Variants in DNAH1 observed in about 807,000 individuals in gnomAD.
The protein encoded by DNAH1 is dynein axonemal heavy chain 1.
In DNAH1, 327 loss-of-function variants were observed where a neutral mutation model predicts 484.3. The ratio of observed to expected loss-of-function variants is 0.68; its 90% CI spans 0.62 to 0.74. DNAH1 has a LOEUF of 0.74. Ranked by LOEUF, DNAH1 falls within the 30% of genes least tolerant of loss-of-function variation. DNAH1 has a pLI of 0.00. For missense variants in DNAH1, 5,052 were observed against 5,546.8 expected (o/e 0.91, Z 2.83); for synonymous variants, 2,192 against 2,191.9 (o/e 1.00, Z 0.00).
intron 12 of DNAH1, 102 bp downstream of exon 12, chr3:52,348,076 T>A: frequency 8.0e-7 from 1 of 1,251,656 alleles, no homozygotes; most frequent in Non-Finnish European, 1.1e-6. Context: ...ATCACAGGCC[T>A]CCTGTCGGGC....
chr3:52,331,009 GC>G, intron 6 of DNAH1, 138 bp from the exon 7 acceptor site: 18 of 1,093,334 alleles, frequency 1.6e-5, no homozygotes, highest in Non-Finnish European at 2.3e-5. Flanking sequence ...CTCTGCTGGA[GC>G]AGAGGGGGGC....
intron 8 of DNAH1, among the ~76,000 whole-genome samples, chr3:52,335,729 G>A (rs1350799229): frequency 5.9e-5 from 9 of 151,580 alleles, no homozygotes; most frequent in Admixed American, 3.3e-4. Context: ...CTGTCTCCTG[G>A]GTTCAAGTGA....
intron 21 of DNAH1, 74 bp from the exon 22 acceptor site, chr3:52,356,540 C>CTGGG: frequency 6.7e-7 from 1 of 1,503,608 alleles, no homozygotes; most frequent in Non-Finnish European, 9.1e-7. Flanking sequence ...TGAAATGTCC[C>CTGGG]AGTCATTGGG....
intron 8 of DNAH1, 82 bp downstream of exon 8, chr3:52,332,476 G>C: frequency 6.4e-7 from 1 of 1,553,160 alleles, no homozygotes; most frequent in South Asian, 1.2e-5. Flanking sequence ...GCTACTCCAG[G>C]GTGGAGCTCC....
rs750433835 is a variant in DNAH1 at position 52,357,860 on chromosome 3, C to T, written c.3981-38C>T. ...CTGGGGCAGCTGGGGCCCAGGGAGC[C>T]TGCACGACCCGCTTCCTCACCCCTG... On this transcript the variant is annotated intron_variant, in intron 23 of 77. Transcript: ENST00000420323. 9 of 1,598,838 alleles carry T rather than the reference C, an allele frequency of 5.6e-6. No homozygotes were observed. The African/African-American group carries it at 1.2e-4, about 21-fold the overall frequency.
intron 8 of DNAH1, among the ~76,000 whole-genome samples, chr3:52,334,350 G>A (rs959254789): frequency 7.2e-5 from 11 of 152,366 alleles, no homozygotes; most frequent in African/African-American, 2.4e-4. Flanking sequence ...GGAAGTTGCG[G>A]TGGTTGAGTC....
chr3:52,319,697 G>A (rs114894556), intron 1 of DNAH1, among the ~76,000 whole-genome samples: 174 of 152,316 alleles, frequency 1.1e-3, no homozygotes, highest in African/African-American at 3.8e-3. Flanking sequence ...ATGAGGCCGC[G>A]GCAGGAGGCA....
At chr3:52,312,828 A>G (rs1700835051), upstream of DNAH1, among the ~76,000 whole-genome samples, 1 of 151,568 alleles carries the variant, frequency 6.6e-6, no homozygotes, top group Non-Finnish European at 1.5e-5. Context: ...AATTTTTTGT[A>G]TTTTTAGTAG....
Position 52,348,945 on chromosome 3 carries a change from C to T in DNAH1, c.2164C>T (p.His722Tyr), listed in dbSNP as rs763009975. Residue 722 changes from histidine (H) to tyrosine (Y), a missense_variant, in exon 13 of 78, where the codon CAT (histidine) becomes TAT (tyrosine). His to Tyr is a moderately conservative substitution (Grantham distance 83, BLOSUM62 2). Around this residue, in one of 4 missense-constraint regions of DNAH1, gnomAD observed 1,263 missense variants for 1,218.8 expected, o/e 1.04. Transcript: ENST00000420323. Reference sequence around the variant, plus strand: ...CCCCCTGCTGGAGTCCGTGGGCCTTCATGAGCCACTGGTGGAAGAGCTACG... The same window carrying T: ...CCCCCTGCTGGAGTCCGTGGGCCTTTATGAGCCACTGGTGGAAGAGCTACG... ...GDPLLESVGL[H>Y]EPLVEELRAT... 6.2e-7 allele frequency: 1 copy of T among 1,613,514 alleles called. No homozygotes were observed. The highest frequency in any genetic ancestry group is 1.7e-5 in the Admixed American group (1 of 60,020).
chr3:52,363,246 C>G (rs1451822329), intron 32 of DNAH1, 102 bp downstream of exon 32: 1 of 1,455,600 alleles, frequency 6.9e-7, no homozygotes, highest in Non-Finnish European at 9.3e-7. Context: ...CGGTGCTTTA[C>G]AGGCATTACC....
Position 52,344,486 on chromosome 3 carries a change from G to T in DNAH1, c.1287-4G>T, listed in dbSNP as rs374363260. On this transcript the variant is annotated splice_polypyrimidine_tract_variant and splice_region_variant and intron_variant, in intron 8 of 77. Transcript: ENST00000420323. ...ATTCCCCCATCTCCCATCTCTATGGGCAGGGTTCTAGAGCACCTCAGCAGT... is the reference window on the plus strand; with the variant it reads ...ATTCCCCCATCTCCCATCTCTATGGTCAGGGTTCTAGAGCACCTCAGCAGT... The T allele has an allele frequency of 5.0e-5, 80 of 1,612,532 alleles. 1 individual carries two copies. In the Admixed American group the frequency reaches 1.3e-3, roughly 26 times the overall value.
chr3:52,380,788 G>A (rs1703811423), intron 48 of DNAH1, among the ~76,000 whole-genome samples: 1 of 152,232 alleles, frequency 6.6e-6, no homozygotes, highest in Admixed American at 6.5e-5. Context: ...GCCCATGATT[G>A]GAGTCGCCCC....
chr3:52,392,635 C>A lies in DNAH1; in HGVS notation c.10224C>A (p.Asp3408Glu), dbSNP rs369575177. The change falls in exon 64 of 78, where the codon GAC becomes GAA. Residue 3408 changes from aspartate (D) to glutamate (E), a missense_variant. By Grantham distance (45) the Asp-to-Glu change is conservative. Around this residue, in one of 4 missense-constraint regions of DNAH1, gnomAD observed 2,929 missense variants for 3,409.4 expected, o/e 0.86. Coordinates refer to ENST00000420323, the MANE Select transcript of DNAH1 (RefSeq NM_015512.5). The part of the protein sequence containing the change: ...LSSSEGNPVD[D>E]MELIKVLEAS... ...CCTCCGAGGGCAACCCTGTAGATGA[C>A]ATGGAACTCATCAAGGTGCTGGAAG... 6.2e-7 allele frequency: 1 copy of A among 1,612,412 alleles called. No individual in the cohort carries two copies. Among genetic ancestry groups the A allele is most frequent in the Admixed American group, 1.7e-5 (1 of 59,750 alleles).
intron 66 of DNAH1, 118 bp from the exon 67 acceptor site, chr3:52,394,347 A>G (rs1578203229): frequency 1.0e-6 from 1 of 979,884 alleles, no homozygotes; most frequent in East Asian, 2.6e-5. Flanking sequence ...TACCATCCCC[A>G]AGGGAGACTC....
At chr3:52,363,374 G>T in intron 32 of DNAH1, among the ~76,000 whole-genome samples, 1 of 152,370 alleles carries the variant, frequency 6.6e-6, no homozygotes, top group East Asian at 1.9e-4. Flanking sequence ...ACACAGCAGC[G>T]CTGGAGCAGG....
In DNAH1 at chr3:52,394,515, G is replaced by A; in HGVS notation, c.10677G>A (p.Glu3559=). Residue 3559 remains glutamate (E), a synonymous_variant, in exon 67 of 78, where the codon GAG becomes GAA. Transcript: ENST00000420323. The part of the protein sequence containing the change: ...LSGGSISIMT[E]NPAPDWLSDR... ...GGGGCTCCATCTCGATCATGACTGAGAATCCGGCACCGGACTGGCTGTCAG... is the reference window on the plus strand; with the variant it reads ...GGGGCTCCATCTCGATCATGACTGAAAATCCGGCACCGGACTGGCTGTCAG... 1 of 1,614,040 alleles carries A rather than the reference G, an allele frequency of 6.2e-7. No individual in the cohort carries two copies. Among genetic ancestry groups the A allele is most frequent in the Non-Finnish European group, 8.5e-7 (1 of 1,179,880 alleles).
intron 3 of DNAH1, among the ~76,000 whole-genome samples, chr3:52,324,757 G>C (rs1175205379): frequency 6.6e-6 from 1 of 152,164 alleles, no homozygotes; most frequent in African/African-American, 2.4e-5. Context: ...GCAGATCTCA[G>C]CACTGGGGGT....
chr3:52,374,084 C>T (rs567773121), intron 44 of DNAH1: 1 of 1,045,406 alleles, frequency 9.6e-7, no homozygotes, highest in South Asian at 1.3e-5. Context: ...CAGTGAAGAT[C>T]CTCAGGAGAG....
intron 56 of DNAH1, 73 bp from the exon 57 acceptor site, chr3:52,388,094 C>A: frequency 6.5e-7 from 1 of 1,540,986 alleles, no homozygotes; most frequent in Non-Finnish European, 8.8e-7. Flanking sequence ...TCAGCAGGCC[C>A]CACATCCCAG....
Sources: allele counts gnomAD v4.1 joint callset (sites outside exome capture counted in the v4.1 genomes callset), GRCh38; gene constraint gnomAD v4.1.1; regional missense constraint gnomAD v4.1.1; transcripts MANE v1.5; gene names NCBI Gene and HGNC (gene_info 2026-07-23, HGNC 2026-07-21).